RRP36: variants seen among roughly 807,000 people sequenced by gnomAD.
RRP36 encodes the protein ribosomal RNA processing 36, also known as ribosomal RNA processing protein 36 homolog.
A neutral mutation model predicts 39.8 loss-of-function variants in RRP36; 44 were observed. The ratio of observed to expected loss-of-function variants is 1.10; its 90% confidence interval spans 0.87 to 1.42. The LOEUF (loss-of-function observed/expected upper bound fraction) is 1.42. Ranked by LOEUF, RRP36 falls within the 40% of genes most tolerant of loss-of-function variation. The probability of loss-of-function intolerance (pLI) is 0.00; values close to 1 mark genes in which losing one functional copy is unlikely to be tolerated. For missense variants in RRP36, 316 were observed against 322.4 expected (o/e 0.98, Z 0.15); for synonymous variants, 124 against 123.1 (o/e 1.01, Z -0.05).
intron 1 of RRP36, among the ~76,000 whole-genome samples, chr6:43,022,852 C>CT (rs1322098411): frequency 3.3e-5 from 5 of 151,872 alleles, no homozygotes; most frequent in Non-Finnish European, 7.4e-5. Flanking sequence ...AGGATGGTCT[C>CT]TATCTCCTGA....
chr6:43,021,680 G>T lies in RRP36; in HGVS notation c.26G>T (p.Gly9Val). 1.1e-6 allele frequency: 1 copy of T among 870,060 alleles called. No individual in the cohort carries two copies. The highest frequency in any genetic ancestry group is 5.7e-5 in the East Asian group (1 of 17,670). 53.9% of individuals were successfully genotyped at this position (870,060 alleles called of 1,614,324 possible). A position where few individuals can be genotyped will look rare whatever the true frequency, so the allele number is the denominator to read the frequency against. Residue 9 changes from glycine (G) to valine (V), a missense_variant, in exon 1 of 7, where the codon GGG becomes GTG. Coordinates refer to ENST00000244496, the MANE Select transcript of RRP36 (RefSeq NM_033112.4). ...ATGCCGGGAGCTAACTACCGCGCCG[G>T]GGCCGGGGCCGGGGCCGGGGCCCGA... is the stretch of plus-strand genomic sequence containing the variant. Reference protein sequence around the residue: MPGANYRAGAGAGAGARRP... With the variant: MPGANYRAVAGAGAGARRP...
chr6:43,022,131 A>C (rs1762728543), intron 1 of RRP36, among the ~76,000 whole-genome samples: 1 of 151,336 alleles, frequency 6.6e-6, no homozygotes, highest in Non-Finnish European at 1.5e-5. Flanking sequence ...TTTGAGACGG[A>C]GTCTCTCTCT....
intron 1 of RRP36, 43 bp downstream of exon 1, chr6:43,021,827 T>C: frequency 8.4e-7 from 1 of 1,183,792 alleles, no homozygotes; most frequent in Non-Finnish European, 1.1e-6. Context: ...GGAAGGAGAT[T>C]CCCAGGCGGG....
At chr6:43,024,624 T>C (rs1762778069) in intron 1 of RRP36, among the ~76,000 whole-genome samples, 1 of 152,116 alleles carries the variant, frequency 6.6e-6, no homozygotes, top group Non-Finnish European at 1.5e-5. Context: ...TGAGAGATGC[T>C]GAGCATGTGG....
chr6:43,028,948 G>A (rs542954995), intron 6 of RRP36, 144 bp from the exon 7 acceptor site: 28 of 1,096,040 alleles, frequency 2.6e-5, no homozygotes, highest in East Asian at 7.2e-5. Context: ...GCAGGACTCC[G>A]TCTCAGAAAA....
chr6:43,021,808 C>T (rs1435214835), intron 1 of RRP36, 24 bp downstream of exon 1: 3 of 361,978 alleles, frequency 8.3e-6, no homozygotes, highest in Non-Finnish European at 1.2e-5. Context: ...GCAGGGCGGG[C>T]TGGGGAGGGG....
At chr6:43,026,918 T>C (rs1762821014) in intron 4 of RRP36, among the ~76,000 whole-genome samples, 1 of 151,444 alleles carries the variant, frequency 6.6e-6, no homozygotes, top group Non-Finnish European at 1.5e-5. Flanking sequence ...AAAAAAAAAT[T>C]AGCCGGGCGT....
In RRP36 at chr6:43,027,395, A is replaced by C. The variant is rs748340079; in HGVS notation, c.561A>C (p.Gln187His). ...QQEMAQQERK[Q>H]QQELHLALKQ... ...AAATGGCACAGCAGGAACGAAAGCA[A>C]CAGCAGGAGCTGCACCTGGCCCTGA... The change falls in exon 6 of 7, where the codon CAA (glutamine) becomes CAC (histidine). Residue 187 changes from glutamine to histidine, a missense_variant. Physicochemically the swap from Gln to His is conservative, Grantham distance 24. Coordinates refer to ENST00000244496, the MANE Select transcript of RRP36 (RefSeq NM_033112.4). The C allele has an allele frequency of 6.2e-7, 1 of 1,614,220 alleles. No individual in the cohort carries two copies. Among genetic ancestry groups the C allele is most frequent in the South Asian group, 1.1e-5 (1 of 91,078 alleles).
intron 5 of RRP36, 43 bp downstream of exon 5, chr6:43,027,295 G>T (rs201423833): frequency 3.1e-6 from 5 of 1,611,552 alleles, no homozygotes; most frequent in Admixed American, 3.3e-5. Context: ...AGCAATTAAA[G>T]GTGGGAGATA....
intron 3 of RRP36, among the ~76,000 whole-genome samples, 193 bp downstream of exon 3, chr6:43,025,522 C>G (rs993550926): frequency 3.4e-5 from 5 of 148,706 alleles, no homozygotes; most frequent in African/African-American, 7.5e-5. Context: ...GCTTGGAAAA[C>G]TGAGGCACAA....
chr6:43,025,192 C>G (rs925716008), intron 2 of RRP36, 60 bp downstream of exon 2: 1 of 1,612,188 alleles, frequency 6.2e-7, no homozygotes, highest in African/African-American at 1.3e-5. Context: ...GGTATGTTGT[C>G]TTGGGTGACA....
Position 43,029,539 on chromosome 6 carries a change from G to A in RRP36, c.*311G>A, listed in dbSNP as rs536237679. On this transcript the variant is annotated 3_prime_UTR_variant, in exon 7 of 7. Coordinates refer to ENST00000244496, the MANE Select transcript of RRP36 (RefSeq NM_033112.4). ...CCAATGAAAACCATGGAGTCTGTTC[G>A]TGACTCCCAGGGCTGGGACATTATG... The A allele has an allele frequency of 2.6e-5, 7 of 267,366 alleles. No individual in the cohort carries two copies. The highest frequency in any genetic ancestry group is 9.9e-5 in the Admixed American group (2 of 20,242). 16.6% of individuals were successfully genotyped at this position (267,366 alleles called of 1,614,324 possible).
rs979052079 is a variant in RRP36 at position 43,024,413 on chromosome 6, G to A, written c.131-572G>A. Among the ~76,000 whole-genome samples the A allele has an allele frequency of 2.0e-5, 3 of 152,210 alleles. No homozygotes were observed. The East Asian group carries it at 5.8e-4, about 29-fold the overall frequency. ...TGGGGGCTTGCAGGCCATTATTAAG[G>A]TACATGGCTTTTACTGTGAGCAAGA... On this transcript the variant is annotated intron_variant, in intron 1 of 6. Transcript: ENST00000244496.
intron 1 of RRP36, among the ~76,000 whole-genome samples, chr6:43,024,322 G>C (rs1393686478): frequency 6.6e-6 from 1 of 152,162 alleles, no homozygotes; most frequent in African/African-American, 2.4e-5. Flanking sequence ...TATGCTGCTA[G>C]GAGACACATT....
chr6:43,027,584 T>C (rs1165037666), intron 6 of RRP36, 107 bp downstream of exon 6: 1 of 859,174 alleles, frequency 1.2e-6, no homozygotes, highest in African/African-American at 1.7e-5. Context: ...GCATGAAGGC[T>C]GGATCCCATG....
In RRP36 at chr6:43,025,289, G is replaced by A. The variant is rs149161868; in HGVS notation, c.305G>A (p.Arg102Gln). The change falls in exon 3 of 7, where the codon CGA (arginine) becomes CAA (glutamine). Residue 102 changes from arginine to glutamine, a missense_variant. Arg to Gln is a conservative substitution (Grantham distance 43, BLOSUM62 1). Coordinates refer to ENST00000244496, the MANE Select transcript of RRP36 (RefSeq NM_033112.4). ...HRPLEMSAKI[R>Q]VPFLRQVVPI... is the part of the protein sequence containing the mutation. Reference sequence around the variant, plus strand: ...CCTCTGGAAATGTCAGCCAAGATCCGAGTACCATTTTTACGTCAGGTTGTT... The same window carrying A: ...CCTCTGGAAATGTCAGCCAAGATCCAAGTACCATTTTTACGTCAGGTTGTT... The A allele has an allele frequency of 2.7e-4, 432 of 1,614,028 alleles. No homozygotes were observed. The African/African-American group carries it at 2.8e-3, about 11-fold the overall frequency.
intron 6 of RRP36, 27 bp downstream of exon 6, chr6:43,027,504 A>G: frequency 1.3e-6 from 2 of 1,589,620 alleles, no homozygotes; most frequent in Non-Finnish European, 1.7e-6. Context: ...TGTTGCTAAC[A>G]GGGACAGGGG....
intron 6 of RRP36, 127 bp from the exon 7 acceptor site, chr6:43,028,963 TAG>T (rs1209008216): frequency 8.1e-7 from 1 of 1,235,146 alleles, no homozygotes; most frequent in African/African-American, 1.5e-5. Flanking sequence ...AGAAAAAAGA[TAG>T]AGGGGCACCA....
In RRP36 at chr6:43,026,020, C is replaced by G. The variant is rs1382563768; in HGVS notation, c.346-17C>G. The G allele has an allele frequency of 1.3e-6, 2 of 1,574,052 alleles. No individual in the cohort carries two copies. Among genetic ancestry groups the G allele is most frequent in the East Asian group, 2.2e-5 (1 of 44,580 alleles). ...ATTGAACAGTTGTGTTTTATATTCTCTCTCTTCTCTCCAAAGGTAGCCCGG... is the reference window on the plus strand; with the variant it reads ...ATTGAACAGTTGTGTTTTATATTCTGTCTCTTCTCTCCAAAGGTAGCCCGG... On this transcript the variant is annotated splice_polypyrimidine_tract_variant and intron_variant, in intron 3 of 6. Transcript: ENST00000244496.
Sources: allele counts gnomAD v4.1 joint callset (sites outside exome capture counted in the v4.1 genomes callset), GRCh38; gene constraint gnomAD v4.1.1; transcripts MANE v1.5; gene names NCBI Gene and HGNC (gene_info 2026-07-23, HGNC 2026-07-21).